Variants in SGCZ observed in about 807,000 individuals in gnomAD.
The protein encoded by SGCZ is zeta-sarcoglycan.
In SGCZ, 40 loss-of-function variants were observed where a neutral mutation model predicts 41.3. The ratio of observed to expected loss-of-function variants is 0.97; its 90% confidence interval spans 0.75 to 1.26. The LOEUF (loss-of-function observed/expected upper bound fraction) is 1.26, where lower values mean the gene tolerates loss of function less well. Ranked by LOEUF, SGCZ falls within the 50% of genes most tolerant of loss-of-function variation. The pLI is 0.00. For missense variants in SGCZ, 552 were observed against 369.8 expected, an observed-to-expected ratio of 1.49 and a Z score of -4.04; for synonymous variants, 206 against 137.5, an observed-to-expected ratio of 1.50 and a Z score of -3.49.
intron 2 of SGCZ, among the ~76,000 whole-genome samples, chr8:14,428,028 G>C (rs1440587347): frequency 6.6e-6 from 1 of 151,702 alleles, no homozygotes; most frequent in East Asian, 1.9e-4. Flanking sequence ...TCAGCGATTT[G>C]AGCATCTGCA....
chr8:14,354,467 T>G (rs542127747), intron 2 of SGCZ, among the ~76,000 whole-genome samples: 11 of 151,964 alleles, frequency 7.2e-5, no homozygotes, highest in African/African-American at 2.6e-4. Flanking sequence ...AAATTAGTAC[T>G]CTTGTAGATT....
chr8:14,737,274 C>T (rs1799066666), intron 1 of SGCZ, among the ~76,000 whole-genome samples: 1 of 151,236 alleles, frequency 6.6e-6, no homozygotes, highest in South Asian at 2.1e-4. Context: ...GGATTACAGA[C>T]TAATATTAAT....
intron 1 of SGCZ, among the ~76,000 whole-genome samples, chr8:14,576,357 A>C (rs562872669): frequency 3.9e-5 from 6 of 152,330 alleles, no homozygotes; most frequent in African/African-American, 1.4e-4. Context: ...GAGGGAAAAA[A>C]AACTGAGTTT....
chr8:15,027,392 G>C (rs1381288736), intron 1 of SGCZ, among the ~76,000 whole-genome samples: 4 of 25,904 alleles, frequency 1.5e-4, no homozygotes, highest in Admixed American at 6.1e-4. Context: ...AATATGTGTT[G>C]GCTCAAATAA....
intron 1 of SGCZ, among the ~76,000 whole-genome samples, chr8:14,598,487 C>CTA (rs1053983063): frequency 1.1e-4 from 16 of 151,526 alleles, no homozygotes; most frequent in South Asian, 6.2e-4. Context: ...TCATCTCTCT[C>CTA]TCTCTATATA....
chr8:14,695,558 T>C (rs999510686), intron 1 of SGCZ, among the ~76,000 whole-genome samples: 1 of 152,060 alleles, frequency 6.6e-6, no homozygotes, highest in African/African-American at 2.4e-5. Flanking sequence ...CCGGATGGCA[T>C]TGCATATACA....
intron 1 of SGCZ, among the ~76,000 whole-genome samples, chr8:14,704,723 T>C (rs1451036105): frequency 1.3e-5 from 2 of 151,960 alleles, no homozygotes; most frequent in Non-Finnish European, 2.9e-5. Flanking sequence ...GTTTATTAAG[T>C]GTTTTTTCCA....
At chr8:14,860,546 GAA>G (rs1803694705) in intron 1 of SGCZ, among the ~76,000 whole-genome samples, 1 of 136,394 alleles carries the variant, frequency 7.3e-6, no homozygotes, top group South Asian at 2.3e-4. Flanking sequence ...ATGAAAGAAA[GAA>G]AGAGAAAGGA....
At chr8:14,190,186 G>C (rs961573869) in intron 4 of SGCZ, among the ~76,000 whole-genome samples, 2 of 150,972 alleles carry the variant, frequency 1.3e-5, no homozygotes, top group Non-Finnish European at 3.0e-5. Flanking sequence ...CTAATTCTTT[G>C]TATTTTTAGT....
chr8:14,496,986 A>G (rs923819212), intron 2 of SGCZ, among the ~76,000 whole-genome samples: 36 of 152,264 alleles, frequency 2.4e-4, no homozygotes, highest in Non-Finnish European at 4.1e-4. Context: ...ATAGTTTTCA[A>G]TAAAATGAAC....
intron 1 of SGCZ, among the ~76,000 whole-genome samples, chr8:15,234,326 C>CATTA (rs1802053983): frequency 3.3e-5 from 5 of 152,170 alleles, no homozygotes; most frequent in African/African-American, 1.2e-4. Context: ...CATTAACACC[C>CATTA]ACATTTCCAA....
intron 2 of SGCZ, among the ~76,000 whole-genome samples, chr8:14,424,008 T>C (rs1313977161): frequency 6.6e-6 from 1 of 152,130 alleles, no homozygotes; most frequent in Non-Finnish European, 1.5e-5. Flanking sequence ...TGAGTTATTG[T>C]TGGGGAAGAG....
At chr8:14,618,729 G>T (rs1056561514) in intron 1 of SGCZ, among the ~76,000 whole-genome samples, 2 of 152,170 alleles carry the variant, frequency 1.3e-5, no homozygotes, top group Non-Finnish European at 2.9e-5. Context: ...GGAAACAAAT[G>T]ATGGGTGCTC....
intron 3 of SGCZ, among the ~76,000 whole-genome samples, chr8:14,306,720 G>C (rs1342138399): frequency 6.6e-6 from 1 of 152,140 alleles, no homozygotes; most frequent in East Asian, 1.9e-4. Context: ...AAATTTGCAT[G>C]CATTTGCATT....
chr8:14,525,246 T>C (rs1000498023), intron 2 of SGCZ, among the ~76,000 whole-genome samples: 1 of 152,096 alleles, frequency 6.6e-6, no homozygotes, highest in African/African-American at 2.4e-5. Context: ...AATAGGTTCA[T>C]CTTTAGCCAG....
intron 1 of SGCZ, among the ~76,000 whole-genome samples, chr8:14,663,379 T>C (rs1807815468): frequency 6.6e-6 from 1 of 152,184 alleles, no homozygotes; most frequent in East Asian, 1.9e-4. Context: ...ATGTGGAAAC[T>C]ATGTATTGCT....
chr8:14,991,408 G>C (rs1277865444), intron 1 of SGCZ, among the ~76,000 whole-genome samples: 8 of 152,114 alleles, frequency 5.3e-5, no homozygotes, highest in Admixed American at 5.2e-4. Context: ...ATCTGCAAAT[G>C]ATGTGTATGA....
intron 4 of SGCZ, among the ~76,000 whole-genome samples, chr8:14,177,375 C>T (rs754941090): frequency 1.1e-4 from 16 of 152,184 alleles, no homozygotes; most frequent in Admixed American, 2.0e-4. Context: ...TTACATATTA[C>T]GGCCCTTTCT....
chr8:14,414,372 T>C (rs1799440424), intron 2 of SGCZ, among the ~76,000 whole-genome samples: 1 of 151,924 alleles, frequency 6.6e-6, no homozygotes, highest in African/African-American at 2.4e-5. Flanking sequence ...TTAAATTGAG[T>C]GTGCATAGGA....
Sources: allele counts gnomAD v4.1 joint callset (sites outside exome capture counted in the v4.1 genomes callset), GRCh38; gene constraint gnomAD v4.1.1; transcripts MANE v1.5; gene names NCBI Gene and HGNC (gene_info 2026-07-23, HGNC 2026-07-21).